NRXN3: variants seen among roughly 807,000 people sequenced by gnomAD.
NRXN3 encodes neurexin 3, also known as neurexin III.
A neutral mutation model predicts 137.6 loss-of-function variants in NRXN3; 32 were observed. The observed-to-expected ratio is 0.23, with a 90% confidence interval of 0.18 to 0.31. NRXN3 has a LOEUF of 0.31. Among genes scored for constraint, NRXN3 ranks in the 10% least tolerant of loss-of-function variants. The pLI is 1.00. For synonymous variants in NRXN3, 798 were observed against 784.5 expected, an observed-to-expected ratio of 1.02 and a Z score of -0.29; for missense variants, 1,574 against 2,062.5, an observed-to-expected ratio of 0.76 and a Z score of 4.59.
intron 15 of NRXN3, among the ~76,000 whole-genome samples, chr14:79,063,881 A>G (rs773493156): frequency 6.6e-6 from 1 of 152,204 alleles, no homozygotes; most frequent in South Asian, 2.1e-4. Flanking sequence ...GAGAAAAAAT[A>G]AAAATATTGA....
At chr14:79,422,378 C>T (rs2153535119) in intron 15 of NRXN3, among the ~76,000 whole-genome samples, 1 of 152,198 alleles carries the variant, frequency 6.6e-6, no homozygotes, top group Admixed American at 6.5e-5. Context: ...TGTTTTCTGA[C>T]AAAGCTACTC....
chr14:79,192,823 T>A (rs1471081896), intron 15 of NRXN3, among the ~76,000 whole-genome samples: 1 of 138,334 alleles, frequency 7.2e-6, no homozygotes. Context: ...CAAGCTGGAG[T>A]GCAGTGGCAT....
chr14:78,510,823 C>T (rs928063063), intron 4 of NRXN3, among the ~76,000 whole-genome samples: 12 of 152,168 alleles, frequency 7.9e-5, no homozygotes, highest in African/African-American at 1.2e-4. Flanking sequence ...TAGGTACTAA[C>T]GTCTCATTGC....
At chr14:79,226,732 G>A (rs1439443523) in intron 15 of NRXN3, among the ~76,000 whole-genome samples, 1 of 151,264 alleles carries the variant, frequency 6.6e-6, no homozygotes, top group Non-Finnish European at 1.5e-5. Context: ...TATACCCAAT[G>A]TGGACACATA....
chr14:79,175,938 T>C (rs765101291), intron 15 of NRXN3, among the ~76,000 whole-genome samples: 1 of 152,242 alleles, frequency 6.6e-6, no homozygotes, highest in African/African-American at 2.4e-5. Context: ...CACGACTCTG[T>C]AGTAGCGCTC....
chr14:79,690,428 G>A (rs1054704152), intron 17 of NRXN3, among the ~76,000 whole-genome samples: 2 of 151,838 alleles, frequency 1.3e-5, no homozygotes, highest in African/African-American at 4.8e-5. Flanking sequence ...TTTTTTCTAT[G>A]AGAAATGATT....
At chr14:78,956,595 G>A (rs933129451) in intron 10 of NRXN3, among the ~76,000 whole-genome samples, 1 of 152,160 alleles carries the variant, frequency 6.6e-6, no homozygotes, top group African/African-American at 2.4e-5. Context: ...TCCTTTTGGA[G>A]GATGATGAAC....
intron 16 of NRXN3, among the ~76,000 whole-genome samples, chr14:79,540,073 T>C (rs2097257460): frequency 6.6e-6 from 1 of 152,118 alleles, no homozygotes; most frequent in Non-Finnish European, 1.5e-5. Context: ...TTCTAATGAA[T>C]AGAAGCAGTC....
chr14:78,985,594 C>T (rs1021497957), intron 14 of NRXN3, among the ~76,000 whole-genome samples: 10 of 152,244 alleles, frequency 6.6e-5, no homozygotes, highest in African/African-American at 1.4e-4. Flanking sequence ...GAAAAGGCTT[C>T]GTCTTTAGAT....
At chr14:79,808,433 C>G (rs765677736) in intron 20 of NRXN3, among the ~76,000 whole-genome samples, 2 of 151,942 alleles carry the variant, frequency 1.3e-5, no homozygotes, top group Non-Finnish European at 2.9e-5. Context: ...ACATCTTTGA[C>G]ATAAATTGCC....
At chr14:78,783,556 G>C (rs1428610012) in intron 8 of NRXN3, among the ~76,000 whole-genome samples, 1 of 152,140 alleles carries the variant, frequency 6.6e-6, no homozygotes, top group Non-Finnish European at 1.5e-5. Flanking sequence ...TGCTATGATT[G>C]ATAATCATAC....
chr14:79,706,419 CTTTT>C (rs919138966), intron 19 of NRXN3, among the ~76,000 whole-genome samples: 9 of 115,986 alleles, frequency 7.8e-5, no homozygotes, highest in Non-Finnish European at 1.4e-4. Context: ...GGCTTTTTTA[CTTTT>C]TTTTTTTTTT....
chr14:78,382,789 GT>G (rs1284648728), intron 4 of NRXN3, among the ~76,000 whole-genome samples: 1 of 152,148 alleles, frequency 6.6e-6, no homozygotes, highest in African/African-American at 2.4e-5. Flanking sequence ...GGATTCTAAA[GT>G]AACAGTACTC....
At chr14:78,748,529 A>G (rs1163250780) in intron 8 of NRXN3, among the ~76,000 whole-genome samples, 3 of 152,162 alleles carry the variant, frequency 2.0e-5, no homozygotes, top group Non-Finnish European at 4.4e-5. Flanking sequence ...GTATAATATG[A>G]AATTTAAAAA....
At chr14:78,451,723 C>T (rs906288136) in intron 4 of NRXN3, among the ~76,000 whole-genome samples, 3 of 152,182 alleles carry the variant, frequency 2.0e-5, no homozygotes, top group African/African-American at 7.2e-5. Context: ...TGCGTAGGCA[C>T]GTAGAGGACA....
At chr14:79,223,514 A>G (rs2070202267) in intron 15 of NRXN3, among the ~76,000 whole-genome samples, 1 of 152,142 alleles carries the variant, frequency 6.6e-6, no homozygotes, top group African/African-American at 2.4e-5. Context: ...GAATGCAGTT[A>G]TTTATCCCTA....
At chr14:79,643,889 T>TCAA (rs1212169578) in intron 16 of NRXN3, among the ~76,000 whole-genome samples, 20 of 135,688 alleles carry the variant, frequency 1.5e-4, no homozygotes, top group African/African-American at 4.9e-4. Flanking sequence ...TTATTGCCTT[T>TCAA]ACCACCTTCT....
intron 10 of NRXN3, among the ~76,000 whole-genome samples, chr14:78,913,094 A>G (rs2099243832): frequency 6.6e-6 from 1 of 152,102 alleles, no homozygotes; most frequent in South Asian, 2.1e-4. Context: ...CAAGATACTA[A>G]TTATACAGTT....
At chr14:79,199,466 CA>C (rs2065627523) in intron 15 of NRXN3, among the ~76,000 whole-genome samples, 1 of 152,144 alleles carries the variant, frequency 6.6e-6, no homozygotes, top group Non-Finnish European at 1.5e-5. Flanking sequence ...AAACAAACTA[CA>C]ATGTTCACTA....
Sources: allele counts gnomAD v4.1 joint callset (sites outside exome capture counted in the v4.1 genomes callset), GRCh38; gene constraint gnomAD v4.1.1; transcripts MANE v1.5; gene names NCBI Gene and HGNC (gene_info 2026-07-23, HGNC 2026-07-21).